Variants in EPB41L4A observed in about 807,000 individuals in gnomAD.
The protein encoded by EPB41L4A is band 4.1-like protein 4A.
Under a neutral mutation model 108.6 loss-of-function variants are expected in EPB41L4A, and 100 were observed. That is an observed-to-expected ratio of 0.92 (90% CI 0.78 to 1.09). The LOEUF is 1.09. Among genes scored for constraint, EPB41L4A ranks in the 50% least tolerant of loss-of-function variants. The probability of loss-of-function intolerance (pLI) is 0.00; values close to 1 mark genes in which losing one functional copy is unlikely to be tolerated. For synonymous variants in EPB41L4A, 319 were observed against 289.0 expected, an observed-to-expected ratio of 1.10 and a Z score of -1.05; for missense variants, 1,030 against 842.7, an observed-to-expected ratio of 1.22 and a Z score of -2.75.
chr5:112,170,789 C>G (rs1258007316), intron 19 of EPB41L4A, among the ~76,000 whole-genome samples, 156 bp downstream of exon 19: 2 of 152,210 alleles, frequency 1.3e-5, no homozygotes, highest in African/African-American at 4.8e-5. Context: ...ATGGTTAAGG[C>G]ACCACCACCA....
At chr5:112,419,887 G>A (rs1196598841), upstream of EPB41L4A, 3 of 456,778 alleles carry the variant, frequency 6.6e-6, no homozygotes, top group Admixed American at 2.3e-5. Context: ...CCGCGGCGGC[G>A]GAATACGGCT....
intron 1 of EPB41L4A, among the ~76,000 whole-genome samples, chr5:112,341,381 T>C (rs1757307489): frequency 6.6e-6 from 1 of 152,198 alleles, no homozygotes; most frequent in Non-Finnish European, 1.5e-5. Context: ...TCCAAAAACA[T>C]ACTGTGTGTG....
chr5:112,382,341 G>C (rs186028144), intron 1 of EPB41L4A, among the ~76,000 whole-genome samples: 46 of 152,250 alleles, frequency 3.0e-4, no homozygotes, highest in African/African-American at 1.1e-3. Flanking sequence ...AAGGAAGCAA[G>C]TGTCAGAAAC....
intron 1 of EPB41L4A, among the ~76,000 whole-genome samples, chr5:112,339,814 G>C (rs1757195034): frequency 6.6e-6 from 1 of 152,024 alleles, no homozygotes; most frequent in South Asian, 2.1e-4. Context: ...AGGATTATAG[G>C]CGTGAGCCAC....
At chr5:112,222,500 A>C (rs1446090671) in intron 12 of EPB41L4A, among the ~76,000 whole-genome samples, 1 of 152,226 alleles carries the variant, frequency 6.6e-6, no homozygotes, top group Non-Finnish European at 1.5e-5. Flanking sequence ...TCATGCAAGG[A>C]AATCAGCTCA....
At chr5:112,412,352 C>A (rs1457395827) in intron 1 of EPB41L4A, among the ~76,000 whole-genome samples, 1 of 152,218 alleles carries the variant, frequency 6.6e-6, no homozygotes, top group East Asian at 1.9e-4. Flanking sequence ...CTATTCCAGA[C>A]CTTGATGAAT....
intron 12 of EPB41L4A, among the ~76,000 whole-genome samples, chr5:112,210,820 T>C (rs1010996883): frequency 1.3e-5 from 2 of 152,090 alleles, no homozygotes; most frequent in Non-Finnish European, 1.5e-5. Flanking sequence ...GAAATCAGCA[T>C]GCACAGATGC....
chr5:112,175,459 G>A (rs1490089332), intron 18 of EPB41L4A: 1 of 152,116 alleles, frequency 6.6e-6, no homozygotes, highest in African/African-American at 2.4e-5. Flanking sequence ...CTACTCTTAT[G>A]TCTCTGGTAT....
At chr5:112,409,742 C>T (rs534403033) in intron 1 of EPB41L4A, among the ~76,000 whole-genome samples, 36 of 152,260 alleles carry the variant, frequency 2.4e-4, no homozygotes, top group African/African-American at 8.7e-4. Context: ...CTTTCCATCC[C>T]TACTAACAGC....
rs531910449 is a variant in EPB41L4A, at chr5:112,199,882, C to T, written c.1377-4174G>A. On this transcript the variant is annotated intron_variant, in intron 15 of 22. Transcript: ENST00000261486. ...CCACCTTGGTCCATGCTCCCATTCT[C>T]TATTGCTAGGACTCGGACAATAGCC... Among the ~76,000 whole-genome samples, 4 of 152,180 alleles carry T rather than the reference C, an allele frequency of 2.6e-5. No homozygotes were observed. The South Asian group carries it at 8.3e-4, about 32-fold the overall frequency.
chr5:112,318,808 A>G (rs569989483), intron 1 of EPB41L4A, among the ~76,000 whole-genome samples: 9 of 152,338 alleles, frequency 5.9e-5, no homozygotes, highest in African/African-American at 2.2e-4. Context: ...GATACCAAAC[A>G]TTAGTAATTC....
chr5:112,328,878 A>C (rs1756367645), intron 1 of EPB41L4A, among the ~76,000 whole-genome samples: 1 of 152,236 alleles, frequency 6.6e-6, no homozygotes, highest in South Asian at 2.1e-4. Flanking sequence ...CTAACTCCTA[A>C]ATCACAAGTT....
chr5:112,355,885 ATCAG>A (rs1186119524), intron 1 of EPB41L4A, among the ~76,000 whole-genome samples: 1 of 152,240 alleles, frequency 6.6e-6, no homozygotes, highest in Non-Finnish European at 1.5e-5. Context: ...AAATGCCTCT[ATCAG>A]TCAAAGTAAA....
intron 12 of EPB41L4A, among the ~76,000 whole-genome samples, chr5:112,233,005 C>A (rs1471003281): frequency 1.3e-5 from 2 of 151,976 alleles, no homozygotes; most frequent in Non-Finnish European, 2.9e-5. Flanking sequence ...ATTAAAGCTG[C>A]TTGATTAGGT....
At chr5:112,218,000 G>T (rs996221033) in intron 12 of EPB41L4A, among the ~76,000 whole-genome samples, 10 of 152,086 alleles carry the variant, frequency 6.6e-5, no homozygotes, top group African/African-American at 2.4e-4. Flanking sequence ...ATGATAATTT[G>T]GGACTGTGAG....
At chr5:112,184,175 G>T in intron 17 of EPB41L4A, 40 bp from the exon 18 acceptor site, 1 of 1,605,332 alleles carries the variant, frequency 6.2e-7, no homozygotes, top group South Asian at 1.1e-5. Flanking sequence ...ACATCTACAT[G>T]GATGGCGCGT....
Position 112,210,654 on chromosome 5 carries a change from TA to T in EPB41L4A, c.1088-673del, listed in dbSNP as rs1762692635. On this transcript the variant is annotated intron_variant, in intron 12 of 22. Transcript: ENST00000261486. ...TTGGAAGTCATGATCGAAATAAAGA[TA>T]ACTGAAGGGTCTGGGCCCATGTAGG... Among the ~76,000 whole-genome samples, 3 of 152,118 alleles carry T rather than the reference TA, an allele frequency of 2.0e-5. No homozygotes were observed. The South Asian group carries it at 6.2e-4, about 32-fold the overall frequency.
At position 112,200,450 on chromosome 5, in the gene EPB41L4A, A is replaced by G. The variant is rs537292910; in HGVS notation, c.1376+3925T>C. ...AGTTTTTAAAATTCCCTTAAGTACCACATAGCTTACCTTCATATTATGTAT... is the reference window on the plus strand; with the variant it reads ...AGTTTTTAAAATTCCCTTAAGTACCGCATAGCTTACCTTCATATTATGTAT... On this transcript the variant is annotated intron_variant, in intron 15 of 22. Coordinates refer to ENST00000261486, the MANE Select transcript of EPB41L4A (RefSeq NM_022140.5). Among the ~76,000 whole-genome samples the G allele has an allele frequency of 7.2e-5, 11 of 152,304 alleles. No homozygotes were observed. In the South Asian group the frequency reaches 2.3e-3, roughly 32 times the overall value.
At position 112,204,506 on chromosome 5, in the gene EPB41L4A, T is replaced by C. The variant is rs775302673; in HGVS notation, c.1263-18A>G. 1 of 1,556,546 alleles carries C rather than the reference T, an allele frequency of 6.4e-7. No homozygotes were observed. The highest frequency in any genetic ancestry group is 2.2e-5 in the East Asian group (1 of 44,520). Reference sequence around the variant, plus strand: ...AGAGTCCACTGGAGAGAAAGAAAAATGGTCAAAAAGAGCCCAGAGAGTTCC... The same window carrying C: ...AGAGTCCACTGGAGAGAAAGAAAAACGGTCAAAAAGAGCCCAGAGAGTTCC... On this transcript the variant is annotated intron_variant, in intron 14 of 22. Transcript: ENST00000261486.
Sources: allele counts gnomAD v4.1 joint callset (sites outside exome capture counted in the v4.1 genomes callset), GRCh38; gene constraint gnomAD v4.1.1; transcripts MANE v1.5; gene names NCBI Gene and HGNC (gene_info 2026-07-23, HGNC 2026-07-21).